Variants in ZNF835 observed in about 807,000 individuals in gnomAD.
The protein encoded by ZNF835 is zinc finger protein 835.
For synonymous variants in ZNF835, 323 were observed against 324.7 expected, an observed-to-expected ratio of 0.99 and a Z score of 0.06; for missense variants, 783 against 758.4, an observed-to-expected ratio of 1.03 and a Z score of -0.38.
At chr19:56,666,857 G>C (rs973362470) in intron 1 of ZNF835, among the ~76,000 whole-genome samples, 1 of 152,148 alleles carries the variant, frequency 6.6e-6, no homozygotes, top group Admixed American at 6.5e-5. Context: ...GCGGCCATCT[G>C]TAAACCAGGA....
chr19:56,665,293 T>C, intron 1 of ZNF835, 48 bp from the exon 2 acceptor site: 1 of 1,535,508 alleles, frequency 6.5e-7, no homozygotes, highest in Non-Finnish European at 8.9e-7. Context: ...CCACTTGTCC[T>C]GAGCTGGAAA....
At chr19:56,671,333 G>A (rs1174926442) in intron 1 of ZNF835, among the ~76,000 whole-genome samples, 1 of 150,266 alleles carries the variant, frequency 6.7e-6, no homozygotes, top group African/African-American at 2.5e-5. Flanking sequence ...ACAGTGACGG[G>A]CTGGCACCGC....
chr19:56,670,076 T>G (rs1213699825), intron 1 of ZNF835, among the ~76,000 whole-genome samples: 4 of 89,052 alleles, frequency 4.5e-5, no homozygotes, highest in Admixed American at 2.4e-4. Context: ...TCAGGAGTCC[T>G]CCATTAGCAT....
intron 1 of ZNF835, among the ~76,000 whole-genome samples, chr19:56,668,440 G>A (rs1196808107): frequency 1.4e-5 from 2 of 147,784 alleles, no homozygotes; most frequent in East Asian, 2.0e-4. Flanking sequence ...ATCATAGCTC[G>A]CTGCAGCCTG....
chr19:56,662,080 G>A lies in ZNF835; in HGVS notation c.*1505C>T, dbSNP rs536225065. The A allele has an allele frequency of 1.3e-5, 2 of 152,188 alleles. No individual in the cohort carries two copies. The highest frequency in any genetic ancestry group is 2.1e-4 in the South Asian group (1 of 4,822). 9.4% of individuals were successfully genotyped at this position (152,188 alleles called of 1,614,324 possible). On this transcript the variant is annotated 3_prime_UTR_variant, in exon 2 of 2. Coordinates refer to ENST00000537055, the MANE Select transcript of ZNF835 (RefSeq NM_001005850.3). ...TCCCTGGGACCACATGCTTAGGAAGGCTCTTCCTGTGCTGATCCTAGGCTT... is the reference window on the plus strand; with the variant it reads ...TCCCTGGGACCACATGCTTAGGAAGACTCTTCCTGTGCTGATCCTAGGCTT...
chr19:56,664,876 T>A lies in ZNF835; in HGVS notation c.323A>T (p.Lys108Met). 1 of 1,613,884 alleles carries A rather than the reference T, an allele frequency of 6.2e-7. No homozygotes were observed. The highest frequency in any genetic ancestry group is 1.1e-5 in the South Asian group (1 of 91,062). The change falls in exon 2 of 2, where the codon AAG becomes ATG. Residue 108 changes from lysine (K) to methionine (M), a missense_variant. Coordinates refer to ENST00000537055, the MANE Select transcript of ZNF835 (RefSeq NM_001005850.3). Reference sequence around the variant, plus strand: ...CCCGCAGTCCCCGCATTTCCACGGCTTCTTGGGGCCTCCACCTCTCTCCCG... The same window carrying A: ...CCCGCAGTCCCCGCATTTCCACGGCATCTTGGGGCCTCCACCTCTCTCCCG... ...RQRERGGGPK[K>M]PWKCGDCGKA... is the part of the protein sequence containing the mutation.
Position 56,663,568 on chromosome 19 carries a change from A to G in ZNF835, c.*17T>C, listed in dbSNP as rs767254028. ...TCCCCCATAGCATTGTGAGGTTGGA[A>G]AGGAGGCCCTCAGCTCTTAATCTTC... On this transcript the variant is annotated 3_prime_UTR_variant, in exon 2 of 2. Transcript: ENST00000537055. 1 of 1,613,650 alleles carries G rather than the reference A, an allele frequency of 6.2e-7. No homozygotes were observed. Among genetic ancestry groups the G allele is most frequent in the Admixed American group, 1.7e-5 (1 of 60,018 alleles).
Position 56,663,725 on chromosome 19 carries a change from G to A in ZNF835, c.1474C>T (p.His492Tyr). 6.2e-7 allele frequency: 1 copy of A among 1,614,028 alleles called. No homozygotes were observed. Reference protein sequence around the residue: ...AFSFSSALIRHQRTHADSSGR... With the variant: ...AFSFSSALIRYQRTHADSSGR... Reference sequence around the variant, plus strand: ...GAACTGTCTGCATGCGTCCTCTGGTGTCGGATGAGCGCGGAGGAGAAGCTG... The same window carrying A: ...GAACTGTCTGCATGCGTCCTCTGGTATCGGATGAGCGCGGAGGAGAAGCTG... The change falls in exon 2 of 2, where the codon CAC becomes TAC. Residue 492 changes from histidine (H) to tyrosine (Y), a missense_variant. Transcript: ENST00000537055.
chr19:56,664,911 GTCAGGATGCCTCTCCT>G lies in ZNF835; in HGVS notation c.272_287del (p.Lys91ThrfsTer58). The stretch of plus-strand genomic sequence containing the variant: ...CTCCACCTCTCTCCCGCTGGCGGCT[GTCAGGATGCCTCTCCT>G]TCGGGCTCTCCCCAGGCGCGCTGCA... On this transcript the variant is annotated frameshift_variant, in exon 2 of 2. Transcript: ENST00000537055. LOFTEE classifies it low-confidence loss of function (END_TRUNC). 6.2e-7 allele frequency: 1 copy of G among 1,613,946 alleles called. No individual in the cohort carries two copies. The highest frequency in any genetic ancestry group is 8.5e-7 in the Non-Finnish European group (1 of 1,179,882).
Position 56,664,075 on chromosome 19 carries a change from GA to G in ZNF835, c.1123del (p.Ser375ProfsTer32). On this transcript the variant is annotated frameshift_variant, in exon 2 of 2. Coordinates refer to ENST00000537055, the MANE Select transcript of ZNF835 (RefSeq NM_001005850.3). LOFTEE classifies it low-confidence loss of function (END_TRUNC). ...HDCGKRFSNR[S>X]HLLQHRLVHT... ...CACGAGGCGGTGCTGGAGGAGGTGGGAGCGGTTGCTGAAGCGCTTGCCGCAG... is the reference window on the plus strand; with the variant it reads ...CACGAGGCGGTGCTGGAGGAGGTGGGGCGGTTGCTGAAGCGCTTGCCGCAG... 6.2e-7 allele frequency: 1 copy of G among 1,610,952 alleles called. No homozygotes were observed. Among genetic ancestry groups the G allele is most frequent in the Non-Finnish European group, 8.5e-7 (1 of 1,179,036 alleles).
intron 1 of ZNF835, chr19:56,665,490 A>C (rs750224780): frequency 1.5e-6 from 1 of 654,482 alleles, no homozygotes; most frequent in Non-Finnish European, 2.9e-6. Flanking sequence ...GAGTTGTAAC[A>C]ATGAAAAATG....
In ZNF835 at chr19:56,664,208, C is replaced by T. The variant is rs770901220; in HGVS notation, c.991G>A (p.Glu331Lys). The T allele has an allele frequency of 5.0e-6, 8 of 1,605,778 alleles. No homozygotes were observed. In the East Asian group the frequency reaches 1.3e-4, roughly 27 times the overall value. The change falls in exon 2 of 2, where the codon GAG becomes AAG. Residue 331 changes from glutamate to lysine, a missense_variant. By Grantham distance (56) the Glu-to-Lys change is moderately conservative. Transcript: ENST00000537055. ...CACTGGCCGCACGCGTAGGGCTTCT[C>T]GCCTGTGTGGATGCGCCGGTGCTCG... ...LAEHRRIHTG[E>K]KPYACGQCAK...
At position 56,664,398 on chromosome 19, in the gene ZNF835, G is replaced by A. The variant is rs540483009; in HGVS notation, c.801C>T (p.Arg267=). The A allele has an allele frequency of 1.6e-5, 25 of 1,609,622 alleles. No homozygotes were observed. In the Admixed American group the frequency reaches 3.2e-4, roughly 21 times the overall value. ...TCTCCTCCGTGTGGATGCGCTGGTGGCGGATGAGCGCTGAGGAGAAGCGGA... is the reference window on the plus strand; with the variant it reads ...TCTCCTCCGTGTGGATGCGCTGGTGACGGATGAGCGCTGAGGAGAAGCGGA... ...KAFRFSSALI[R]HQRIHTEEKP... The change falls in exon 2 of 2, where the codon CGC becomes CGT. Residue 267 remains arginine, a synonymous_variant. Coordinates refer to ENST00000537055, the MANE Select transcript of ZNF835 (RefSeq NM_001005850.3).
Position 56,663,525 on chromosome 19 carries a change from CG to C in ZNF835, c.*59del. On this transcript the variant is annotated 3_prime_UTR_variant, in exon 2 of 2. Transcript: ENST00000537055. ...GCCTCGGTTTCCTCACAGGAAGCGT[CG>C]GGGATAACACAGTATCTCCCCCATA... 3.1e-6 allele frequency: 5 copies of C among 1,598,262 alleles called. No homozygotes were observed. The highest frequency in any genetic ancestry group is 4.3e-6 in the Non-Finnish European group (5 of 1,171,972).
chr19:56,663,760 C>G lies in ZNF835; in HGVS notation c.1439G>C (p.Gly480Ala), dbSNP rs2045207275. 6.2e-7 allele frequency: 1 copy of G among 1,613,918 alleles called. No homozygotes were observed. The highest frequency in any genetic ancestry group is 1.7e-5 in the Admixed American group (1 of 60,022). The change falls in exon 2 of 2, where the codon GGG becomes GCG. Residue 480 changes from glycine to alanine, a missense_variant. Coordinates refer to ENST00000537055, the MANE Select transcript of ZNF835 (RefSeq NM_001005850.3). ...CGCGGAGGAGAAGCTGAAGGCCTTC[C>G]CGCAGCCGCTGCACTCGTAGGGCTT... Reference protein sequence around the residue: ...GEKPYECSGCGKAFSFSSALI... With the variant: ...GEKPYECSGCAKAFSFSSALI...
At chr19:56,671,051 A>G (rs930042824) in intron 1 of ZNF835, among the ~76,000 whole-genome samples, 42 of 152,122 alleles carry the variant, frequency 2.8e-4, no homozygotes, top group African/African-American at 9.9e-4. Context: ...GTGCAGACAC[A>G]GTGACACTCG....
At position 56,662,266 on chromosome 19, in the gene ZNF835, C is replaced by T. The variant is rs1407082689; in HGVS notation, c.*1319G>A. 2 of 152,164 alleles carry T rather than the reference C, an allele frequency of 1.3e-5. No homozygotes were observed. Among genetic ancestry groups the T allele is most frequent in the Non-Finnish European group, 2.9e-5 (2 of 68,052 alleles). The allele number at this position is 152,164 out of a possible 1,614,324, so 9.4% of individuals were successfully genotyped here. A position where few individuals can be genotyped will look rare whatever the true frequency, so the allele number is the denominator to read the frequency against. On this transcript the variant is annotated 3_prime_UTR_variant, in exon 2 of 2. Transcript: ENST00000537055. ...TCAGGAGAAGAAGATCAAATTGGCC[C>T]AGCTGAGCCCTCCTGGTCCAGGTCC...
Position 56,664,118 on chromosome 19 carries a change from G to A in ZNF835, c.1081C>T (p.Pro361Ser), listed in dbSNP as rs1288697470. 3 of 1,606,074 alleles carry A rather than the reference G, an allele frequency of 1.9e-6. No homozygotes were observed. Among genetic ancestry groups the A allele is most frequent in the East Asian group, 2.2e-5 (1 of 44,794 alleles). ...QHQRTHTGER[P>S]YPCHDCGKRF... ...TTGCCGCAGTCGTGGCAGGGGTAAG[G>A]CCGCTCTCCGGTGTGCGTGCGCTGG... is the stretch of plus-strand genomic sequence containing the variant. Residue 361 changes from proline to serine, a missense_variant, in exon 2 of 2, where the codon CCT becomes TCT. Physicochemically the swap from Pro to Ser is moderately conservative, Grantham distance 74 (BLOSUM62 -1). Transcript: ENST00000537055.
At position 56,664,492 on chromosome 19, in the gene ZNF835, G is replaced by C. The variant is rs979193538; in HGVS notation, c.707C>G (p.Ser236Cys). 6.2e-7 allele frequency: 1 copy of C among 1,608,936 alleles called. No homozygotes were observed. The highest frequency in any genetic ancestry group is 2.2e-5 in the East Asian group (1 of 44,546). ...QCAKAFRNRS[S>C]LIEHQRIHTG... ...GTGGATGCGCTGGTGCTCTATCAGG[G>C]ACGAGCGGTTGCGGAACGCCTTGGC... The change falls in exon 2 of 2, where the codon TCC (serine) becomes TGC (cysteine). Residue 236 changes from serine (S) to cysteine (C), a missense_variant. Physicochemically the swap from Ser to Cys is moderately radical, Grantham distance 112. Transcript: ENST00000537055.
Sources: allele counts gnomAD v4.1 joint callset (sites outside exome capture counted in the v4.1 genomes callset), GRCh38; gene constraint gnomAD v4.1.1; transcripts MANE v1.5; gene names NCBI Gene and HGNC (gene_info 2026-07-23, HGNC 2026-07-21).